The following FAM149A variants were observed in gnomAD, a reference collection of about 807,000 sequenced individuals.
The protein encoded by FAM149A is protein FAM149A.
In FAM149A, 71 loss-of-function variants were observed where a neutral mutation model predicts 78.2. The ratio of observed to expected loss-of-function variants is 0.91; its 90% CI spans 0.75 to 1.11. The LOEUF is 1.11. Ranked by LOEUF, FAM149A falls within the 50% of genes least tolerant of loss-of-function variation. The pLI is 0.00. For synonymous variants in FAM149A, 446 were observed against 410.5 expected, an observed-to-expected ratio of 1.09 and a Z score of -1.04; for missense variants, 1,036 against 971.0, an observed-to-expected ratio of 1.07 and a Z score of -0.89.
intron 1 of FAM149A, among the ~76,000 whole-genome samples, chr4:186,121,906 C>T (rs1188435386): frequency 6.6e-6 from 1 of 152,100 alleles, no homozygotes; most frequent in African/African-American, 2.4e-5. Flanking sequence ...ACTCAAGCGC[C>T]CCTGTGATTT....
chr4:186,138,977 T>C (rs1229575342), intron 1 of FAM149A, among the ~76,000 whole-genome samples: 9 of 152,210 alleles, frequency 5.9e-5, no homozygotes, highest in Non-Finnish European at 1.0e-4. Context: ...GGGGTAGAGT[T>C]CTTCTGTGGG....
chr4:186,110,907 C>T (rs1398682429), intron 1 of FAM149A, among the ~76,000 whole-genome samples: 2 of 145,350 alleles, frequency 1.4e-5, no homozygotes, highest in Non-Finnish European at 3.0e-5. Flanking sequence ...TGGGTATATA[C>T]CCAGTAATGG....
At chr4:186,132,260 T>G (rs1373119602) in intron 1 of FAM149A, 1 of 968,584 alleles carries the variant, frequency 1.0e-6, no homozygotes. Context: ...ACAGCAAATT[T>G]AGTTCAAAAA....
chr4:186,104,770 T>G lies in FAM149A; in HGVS notation c.-307T>G, dbSNP rs1167376087. 2.6e-3 allele frequency among the ~76,000 whole-genome samples: 284 copies of G among 107,482 alleles called. 4 individuals are homozygous for G. Among genetic ancestry groups the G allele is most frequent in the African/African-American group, 0.01 (265 of 26,316 alleles). The allele number at this position is 107,482 out of a possible 152,430, so 70.5% of individuals were successfully genotyped here. A position where few individuals can be genotyped will look rare whatever the true frequency, so the allele number is the denominator to read the frequency against. Reference sequence around the variant, plus strand: ...GGCGGCGGGCGGCGGGCGGCGGGCGTCTGGGGCGGGCGGCGGCCGCGCTTC... The same window carrying G: ...GGCGGCGGGCGGCGGGCGGCGGGCGGCTGGGGCGGGCGGCGGCCGCGCTTC... On this transcript the variant is annotated 5_prime_UTR_variant, in exon 1 of 14. Coordinates refer to ENST00000389354, the MANE Select transcript of FAM149A (RefSeq NM_001367768.3).
chr4:186,154,541 G>C lies in FAM149A; in HGVS notation c.1132G>C (p.Gly378Arg). 6.2e-7 allele frequency: 1 copy of C among 1,614,146 alleles called. No homozygotes were observed. The highest frequency in any genetic ancestry group is 8.5e-7 in the Non-Finnish European group (1 of 1,180,000). ...TGCCCTGCCAGGCCCTGATGACACA[G>C]GGGTTGCTGACCTAACGGCACGTTC... is the stretch of plus-strand genomic sequence containing the variant. Residue 378 changes from glycine to arginine, a missense_variant, in exon 6 of 14, where the codon GGG becomes CGG. Gly to Arg is a moderately radical substitution (Grantham distance 125, BLOSUM62 -2). Around this residue, in one of 3 missense-constraint regions of FAM149A, gnomAD observed 716 missense variants for 711.8 expected, o/e 1.01. Transcript: ENST00000389354.
At chr4:186,152,539 C>CTTTTTTTTTTTTTTT (rs10718602) in intron 4 of FAM149A, among the ~76,000 whole-genome samples, 80 of 88,272 alleles carry the variant, frequency 9.1e-4, no homozygotes, top group Non-Finnish European at 1.3e-3. Flanking sequence ...TTTCTTTTTG[C>CTTTTTTTTTTTTTTT]TTTTTTTTTT....
At chr4:186,166,246 G>A (rs1232132731) in intron 11 of FAM149A, among the ~76,000 whole-genome samples, 1 of 152,156 alleles carries the variant, frequency 6.6e-6, no homozygotes, top group Non-Finnish European at 1.5e-5. Flanking sequence ...ACCCTACCTG[G>A]GGCCAGGTTC....
rs1042454056 is a variant in FAM149A, at chr4:186,105,296, C to T, written c.220C>T (p.Leu74Phe). 6 of 1,186,900 alleles carry T rather than the reference C, an allele frequency of 5.1e-6. No individual in the cohort carries two copies. Among genetic ancestry groups the T allele is most frequent in the African/African-American group, 3.4e-5 (2 of 59,308 alleles). 73.5% of individuals were successfully genotyped at this position (1,186,900 alleles called of 1,614,324 possible). The change falls in exon 1 of 14, where the codon CTC becomes TTC. Residue 74 changes from leucine (L) to phenylalanine (F), a missense_variant. This residue lies in a region of FAM149A where 316 missense variants were observed against 241.9 expected (regional missense o/e 1.31). Coordinates refer to ENST00000389354, the MANE Select transcript of FAM149A (RefSeq NM_001367768.3). ...CTCGCGGCGGTCGCCCGCCCCGCTG[C>T]TCTCCTCCCCCTACTCCCGGGGCTC... is the stretch of plus-strand genomic sequence containing the variant.
intron 8 of FAM149A, chr4:186,160,656 TAC>T: frequency 4.0e-6 from 1 of 250,428 alleles, no homozygotes; most frequent in East Asian, 2.2e-4. Context: ...ACCCCACACC[TAC>T]ACACCCCACA....
In FAM149A at chr4:186,149,171, A is replaced by G; in HGVS notation, c.567-2A>G. 1.6e-6 allele frequency: 2 copies of G among 1,278,988 alleles called. No homozygotes were observed. Among genetic ancestry groups the G allele is most frequent in the Non-Finnish European group, 1.0e-6 (1 of 986,012 alleles). The allele number at this position is 1,278,988 out of a possible 1,614,324, so 79.2% of individuals were successfully genotyped here. A position where few individuals can be genotyped will look rare whatever the true frequency, so the allele number is the denominator to read the frequency against. On this transcript the variant is annotated splice_acceptor_variant, in intron 1 of 13. Coordinates refer to ENST00000389354, the MANE Select transcript of FAM149A (RefSeq NM_001367768.3). LOFTEE classifies it high-confidence loss of function. ...ACTCGTCATGTTTTATTTTATTTCC[A>G]GAAGAGGACTGTCAGAAGGACGTAG...
intron 1 of FAM149A, chr4:186,125,502 A>G (rs2099317928): frequency 2.8e-6 from 1 of 362,358 alleles, no homozygotes; most frequent in African/African-American, 2.2e-5. Context: ...TCAGCCAGCC[A>G]GCAATCAGTG....
chr4:186,120,793 CA>C (rs555497937), intron 1 of FAM149A, among the ~76,000 whole-genome samples: 10,947 of 65,870 alleles, frequency 0.17, 429 homozygotes, highest in African/African-American at 0.21. Flanking sequence ...GACTCCATCT[CA>C]AAAAAAAAAA....
chr4:186,150,413 CTTTTTTTTTTTTT>C (rs750482571), intron 3 of FAM149A, among the ~76,000 whole-genome samples: 2 of 84,284 alleles, frequency 2.4e-5, no homozygotes, highest in East Asian at 3.4e-4. Context: ...CTCTCTGTCT[CTTTTTTTTTTTTT>C]TTTTTTTTTT....
At chr4:186,149,072 G>A (rs1006679069) in intron 1 of FAM149A, 101 bp from the exon 2 acceptor site, 15 of 971,942 alleles carry the variant, frequency 1.5e-5, no homozygotes, top group Admixed American at 1.5e-4. Flanking sequence ...GTGGCAGAAC[G>A]AGAGGAGCAA....
chr4:186,119,117 C>T (rs919228826), intron 1 of FAM149A, among the ~76,000 whole-genome samples: 8 of 152,184 alleles, frequency 5.3e-5, no homozygotes, highest in African/African-American at 1.4e-4. Flanking sequence ...TTTCATTTCA[C>T]GCAGTCAAAC....
chr4:186,120,928 G>C (rs370701850), intron 1 of FAM149A, among the ~76,000 whole-genome samples: 1 of 123,652 alleles, frequency 8.1e-6, no homozygotes, highest in African/African-American at 3.1e-5. Flanking sequence ...ATCTCGGCTC[G>C]CTGCAAGCTC....
chr4:186,158,686 C>A, intron 8 of FAM149A: 1 of 1,093,102 alleles, frequency 9.1e-7, no homozygotes, highest in South Asian at 2.6e-5. Context: ...CACTGCTGCT[C>A]AGCCTGAGGC....
intron 1 of FAM149A, among the ~76,000 whole-genome samples, chr4:186,137,382 A>G (rs1228266383): frequency 6.6e-6 from 1 of 151,912 alleles, no homozygotes; most frequent in Non-Finnish European, 1.5e-5. Context: ...GCGAAAGCAT[A>G]CCCTGTCCCT....
rs1336729589 is a variant in FAM149A, at chr4:186,147,466, C to T, written c.567-1707C>T. On this transcript the variant is annotated intron_variant, in intron 1 of 13. Transcript: ENST00000389354. Reference sequence around the variant, plus strand: ...GTAGCACTGACTGACACTTCATATACTTTATCTACAGATGTGGACACTGAA... The same window carrying T: ...GTAGCACTGACTGACACTTCATATATTTTATCTACAGATGTGGACACTGAA... 3.3e-5 allele frequency among the ~76,000 whole-genome samples: 5 copies of T among 152,220 alleles called. No individual in the cohort carries two copies. In the East Asian group the frequency reaches 7.7e-4, roughly 23 times the overall value.
Sources: allele counts gnomAD v4.1 joint callset (sites outside exome capture counted in the v4.1 genomes callset), GRCh38; gene constraint gnomAD v4.1.1; regional missense constraint gnomAD v4.1.1; transcripts MANE v1.5; gene names NCBI Gene and HGNC (gene_info 2026-07-23, HGNC 2026-07-21).